USP21: variants seen among roughly 807,000 people sequenced by gnomAD.
USP21 encodes the protein ubiquitin carboxyl-terminal hydrolase 21.
Under a neutral mutation model 70.8 loss-of-function variants are expected in USP21, and 37 were observed. That is an observed-to-expected ratio of 0.52 (90% CI 0.40 to 0.69). USP21 has a LOEUF of 0.69. USP21 is among the 30% of genes least tolerant of loss of function. The pLI is 0.00. For missense variants in USP21, 584 were observed against 740.8 expected (o/e 0.79, Z 2.46); for synonymous variants, 263 against 283.1 (o/e 0.93, Z 0.71).
Position 161,164,837 on chromosome 1 carries a change from C to T in USP21, c.1387C>T (p.Leu463=). 6.2e-7 allele frequency: 1 copy of T among 1,613,452 alleles called. No homozygotes were observed. Among genetic ancestry groups the T allele is most frequent in the Non-Finnish European group, 8.5e-7 (1 of 1,179,752 alleles). The change falls in exon 12 of 14, where the codon CTG becomes TTG. Residue 463 remains leucine (L), a splice_region_variant and synonymous_variant. Coordinates refer to ENST00000368002, the MANE Select transcript of USP21 (RefSeq NM_001014443.3). The surrounding 1 kb of genome is among the most constrained non-coding windows in gnomAD (Gnocchi z 4.2). ...QRFPRILVLH[L]NRFSASRGSI... is the part of the protein sequence containing the mutation. ...AATGCTCCTTAACCAGGGCTTAGATCTGAATCGATTTTCTGCCTCCCGAGG... is the reference window on the plus strand; with the variant it reads ...AATGCTCCTTAACCAGGGCTTAGATTTGAATCGATTTTCTGCCTCCCGAGG...
rs1658371103 is a variant in USP21 at position 161,164,714 on chromosome 1, C to T, written c.1384+102C>T. The T allele has an allele frequency of 6.2e-7, 1 of 1,601,970 alleles. No individual in the cohort carries two copies. The highest frequency in any genetic ancestry group is 2.2e-5 in the East Asian group (1 of 44,652). The stretch of plus-strand genomic sequence containing the variant: ...TGAATTTTCCTTAGGAAAAGTCTGC[C>T]ACCCACTTTTCCACAAGATGCTCCC... On this transcript the variant is annotated intron_variant, in intron 11 of 13. Coordinates refer to ENST00000368002, the MANE Select transcript of USP21 (RefSeq NM_001014443.3). This position sits in a 1 kb window ranked among gnomAD's most constrained non-coding sequence, Gnocchi z 4.2.
At position 161,162,140 on chromosome 1, in the gene USP21, A is replaced by T; in HGVS notation, c.660+43A>T. Reference sequence around the variant, plus strand: ...ATCTTTCCTCTCTAAAAGGAATGTGAAATGGTGCTGGGGGTGGGGAAAACC... The same window carrying T: ...ATCTTTCCTCTCTAAAAGGAATGTGTAATGGTGCTGGGGGTGGGGAAAACC... On this transcript the variant is annotated intron_variant, in intron 4 of 13. Transcript: ENST00000368002. This position sits in a 1 kb window ranked among gnomAD's most constrained non-coding sequence, Gnocchi z 4.1. 12 of 1,613,530 alleles carry T rather than the reference A, an allele frequency of 7.4e-6. No homozygotes were observed. Among genetic ancestry groups the T allele is most frequent in the Non-Finnish European group, 1.0e-5 (12 of 1,179,526 alleles).
chr1:161,163,941 C>T lies in USP21; in HGVS notation c.1178C>T (p.Thr393Ile). The change falls in exon 9 of 14, where the codon ACC (threonine) becomes ATC (isoleucine). Residue 393 changes from threonine (T) to isoleucine (I), a missense_variant. Physicochemically the swap from Thr to Ile is moderately conservative, Grantham distance 89. Coordinates refer to ENST00000368002, the MANE Select transcript of USP21 (RefSeq NM_001014443.3). ...CAGGCCTGTGGGTATCGCTCCACGA[C>T]CTTCGAGGTTTTTTGTGACCTGTCC... The part of the protein sequence containing the change: ...KCQACGYRST[T>I]FEVFCDLSLP... 2 of 1,614,154 alleles carry T rather than the reference C, an allele frequency of 1.2e-6. No homozygotes were observed. Among genetic ancestry groups the T allele is most frequent in the Non-Finnish European group, 1.7e-6 (2 of 1,180,042 alleles).
Position 161,161,823 on chromosome 1 carries a change from A to G in USP21, c.601-215A>G. ...GGAGTAAGTGGGCAACAGGTGGGAC[A>G]GCCATGGCTGAGTCCGTGGTACATT... On this transcript the variant is annotated intron_variant, in intron 3 of 13. Coordinates refer to ENST00000368002, the MANE Select transcript of USP21 (RefSeq NM_001014443.3). This position sits in a 1 kb window ranked among gnomAD's most constrained non-coding sequence, Gnocchi z 4.2. 1 of 588,560 alleles carries G rather than the reference A, an allele frequency of 1.7e-6. No homozygotes were observed. Among genetic ancestry groups the G allele is most frequent in the Non-Finnish European group, 3.1e-6 (1 of 327,610 alleles). 36.5% of individuals were successfully genotyped at this position (588,560 alleles called of 1,614,324 possible).
rs1455737643 is a variant in USP21 at position 161,162,133 on chromosome 1, G to C, written c.660+36G>C. On this transcript the variant is annotated intron_variant, in intron 4 of 13. Transcript: ENST00000368002. This position sits in a 1 kb window ranked among gnomAD's most constrained non-coding sequence, Gnocchi z 4.1. ...TTCTCCTATCTTTCCTCTCTAAAAG[G>C]AATGTGAAATGGTGCTGGGGGTGGG... 1 of 1,613,794 alleles carries C rather than the reference G, an allele frequency of 6.2e-7. No individual in the cohort carries two copies. Among genetic ancestry groups the C allele is most frequent in the Admixed American group, 1.7e-5 (1 of 60,006 alleles).
In USP21 at chr1:161,164,999, T is replaced by G. The variant is rs202147922; in HGVS notation, c.1493-30T>G. ...AAAGGAGTGGGGGCACAGCTCTGATTATAGAACTTGATCATCTCCAACCCC... is the reference window on the plus strand; with the variant it reads ...AAAGGAGTGGGGGCACAGCTCTGATGATAGAACTTGATCATCTCCAACCCC... On this transcript the variant is annotated intron_variant, in intron 12 of 13. Transcript: ENST00000368002. The surrounding 1 kb of genome is among the most constrained non-coding windows in gnomAD (Gnocchi z 4.2). The G allele has an allele frequency of 6.2e-7, 1 of 1,613,362 alleles. No individual in the cohort carries two copies. The highest frequency in any genetic ancestry group is 8.5e-7 in the Non-Finnish European group (1 of 1,179,386).
chr1:161,160,428 C>G lies in USP21; in HGVS notation c.-100C>G, dbSNP rs772090699. 1.5e-6 allele frequency: 1 copy of G among 645,698 alleles called. No individual in the cohort carries two copies. 40.0% of individuals were successfully genotyped at this position (645,698 alleles called of 1,614,324 possible). A position where few individuals can be genotyped will look rare whatever the true frequency, so the allele number is the denominator to read the frequency against. ...TCCTGCCCTCAGTGCGTATACTGCTCCCCACTTTCGTTGATGTGGTAGTGG... is the reference window on the plus strand; with the variant it reads ...TCCTGCCCTCAGTGCGTATACTGCTGCCCACTTTCGTTGATGTGGTAGTGG... On this transcript the variant is annotated 5_prime_UTR_variant, in exon 2 of 14. Transcript: ENST00000368002.
rs1467027325 is a variant in USP21, at chr1:161,164,473, G to A, written c.1306-61G>A. 4 of 1,593,846 alleles carry A rather than the reference G, an allele frequency of 2.5e-6. No homozygotes were observed. The highest frequency in any genetic ancestry group is 4.5e-5 in the East Asian group (2 of 44,706). On this transcript the variant is annotated intron_variant, in intron 10 of 13. Coordinates refer to ENST00000368002, the MANE Select transcript of USP21 (RefSeq NM_001014443.3). This position sits in a 1 kb window ranked among gnomAD's most constrained non-coding sequence, Gnocchi z 4.2. ...ACTAAATTTGTATGTGGATCGGGGTGTCAGAAAAGCCAATTGAGGTTAGGA... is the reference window on the plus strand; with the variant it reads ...ACTAAATTTGTATGTGGATCGGGGTATCAGAAAAGCCAATTGAGGTTAGGA...
Position 161,162,461 on chromosome 1 carries a change from C to CCACCAG in USP21, c.781+71_781+72insCACCAG. On this transcript the variant is annotated intron_variant, in intron 5 of 13. Transcript: ENST00000368002. The surrounding 1 kb of genome is among the most constrained non-coding windows in gnomAD (Gnocchi z 4.1). ...CAACCACTTGCAGGTCCATCTGCCA[C>CCACCAG]TGGTGGTGGCCCCCAACCCTTAAAT... 1 of 1,563,138 alleles carries CCACCAG rather than the reference C, an allele frequency of 6.4e-7. No individual in the cohort carries two copies. The highest frequency in any genetic ancestry group is 8.7e-7 in the Non-Finnish European group (1 of 1,150,538).
Position 161,164,120 on chromosome 1 carries a change from AG to A in USP21, c.1219-42del. 6.2e-7 allele frequency: 1 copy of A among 1,606,472 alleles called. No homozygotes were observed. Among genetic ancestry groups the A allele is most frequent in the South Asian group, 1.1e-5 (1 of 90,888 alleles). On this transcript the variant is annotated intron_variant, in intron 9 of 13. Transcript: ENST00000368002. This position sits in a 1 kb window ranked among gnomAD's most constrained non-coding sequence, Gnocchi z 4.2. ...TGGATTGATTGAGAAGAGTTGGAAAAGGAAATTCAGAACATGTTGACCTTTC... is the reference window on the plus strand; with the variant it reads ...TGGATTGATTGAGAAGAGTTGGAAAAGAAATTCAGAACATGTTGACCTTTC...
Position 161,160,907 on chromosome 1 carries a change from C to A in USP21, c.267C>A (p.Pro89=). The change falls in exon 3 of 14, where the codon CCC becomes CCA. Residue 89 remains proline (P), a synonymous_variant. Transcript: ENST00000368002. ...RGPLRADHGV[P]LPGSPPPTVA... ...CCCTTCGAGCAGATCATGGGGTTCC[C>A]CTGCCTGGCTCACCACCCCCAACAG... 6.2e-7 allele frequency: 1 copy of A among 1,614,252 alleles called. No homozygotes were observed. The highest frequency in any genetic ancestry group is 8.5e-7 in the Non-Finnish European group (1 of 1,180,042).
rs971772621 is a variant in USP21, at chr1:161,162,016, C to T, written c.601-22C>T. On this transcript the variant is annotated intron_variant, in intron 3 of 13. Coordinates refer to ENST00000368002, the MANE Select transcript of USP21 (RefSeq NM_001014443.3). The surrounding 1 kb of genome is among the most constrained non-coding windows in gnomAD (Gnocchi z 4.1). ...CCAGGTAGGATATATAGGAACTTGC[C>T]GATTGTACTCTGACCTTCCAGGCTC... The T allele has an allele frequency of 1.3e-5, 21 of 1,613,882 alleles. No homozygotes were observed. The highest frequency in any genetic ancestry group is 1.6e-4 in the Middle Eastern group (1 of 6,062).
In USP21 at chr1:161,160,677, C is replaced by T. The variant is rs764589289; in HGVS notation, c.37C>T (p.Arg13Ter). ...CTCTGAGCACCGCCTGGGCCGTACC[C>T]GAGAGCCACCTGTTAATATCCAGCC... ...QASEHRLGRT[R>*]EPPVNIQPRV... Residue 13 changes from arginine to a stop codon, truncating the protein, a stop_gained, in exon 3 of 14, where the codon CGA becomes TGA. Transcript: ENST00000368002. LOFTEE classifies it high-confidence loss of function. 2 of 1,614,132 alleles carry T rather than the reference C, an allele frequency of 1.2e-6. No homozygotes were observed. Among genetic ancestry groups the T allele is most frequent in the Non-Finnish European group, 8.5e-7 (1 of 1,180,010 alleles).
Position 161,162,102 on chromosome 1 carries a change from G to C in USP21, c.660+5G>C, listed in dbSNP as rs531342902. On this transcript the variant is annotated splice_donor_5th_base_variant and intron_variant, in intron 4 of 13. Transcript: ENST00000368002. The surrounding 1 kb of genome is among the most constrained non-coding windows in gnomAD (Gnocchi z 4.1). ...CTTCGAAACCTGGGAAACACGGTGA[G>C]AGCTATTCTCCTATCTTTCCTCTCT... is the stretch of plus-strand genomic sequence containing the variant. 1 of 1,614,146 alleles carries C rather than the reference G, an allele frequency of 6.2e-7. No homozygotes were observed. The highest frequency in any genetic ancestry group is 1.3e-5 in the African/African-American group (1 of 75,042).
rs766120299 is a variant in USP21, at chr1:161,165,000, A to G, written c.1493-29A>G. ...AAGGAGTGGGGGCACAGCTCTGATT[A>G]TAGAACTTGATCATCTCCAACCCCG... On this transcript the variant is annotated intron_variant, in intron 12 of 13. Coordinates refer to ENST00000368002, the MANE Select transcript of USP21 (RefSeq NM_001014443.3). The surrounding 1 kb of genome is among the most constrained non-coding windows in gnomAD (Gnocchi z 4.2). 11 of 1,613,558 alleles carry G rather than the reference A, an allele frequency of 6.8e-6. No individual in the cohort carries two copies. Among genetic ancestry groups the G allele is most frequent in the Middle Eastern group, 1.7e-4 (1 of 6,056 alleles).
Position 161,161,964 on chromosome 1 carries a change from G to T in USP21, c.601-74G>T. The T allele has an allele frequency of 7.0e-7, 1 of 1,418,964 alleles. No individual in the cohort carries two copies. The highest frequency in any genetic ancestry group is 1.0e-6 in the Non-Finnish European group (1 of 1,002,064). The allele number at this position is 1,418,964 out of a possible 1,614,324, so 87.9% of individuals were successfully genotyped here. Reference sequence around the variant, plus strand: ...ATGCATGGGATGGGGGAGGCAGTGGGCAGCATGCTGTTGAAAGGTTAAAGT... The same window carrying T: ...ATGCATGGGATGGGGGAGGCAGTGGTCAGCATGCTGTTGAAAGGTTAAAGT... On this transcript the variant is annotated intron_variant, in intron 3 of 13. Coordinates refer to ENST00000368002, the MANE Select transcript of USP21 (RefSeq NM_001014443.3). The surrounding 1 kb of genome is among the most constrained non-coding windows in gnomAD (Gnocchi z 4.2).
chr1:161,160,202 G>A (rs1012079039), intron 1 of USP21, 164 bp from the exon 2 acceptor site: 1 of 172,716 alleles, frequency 5.8e-6, no homozygotes, highest in African/African-American at 2.4e-5. Context: ...CCCATGTTAC[G>A]TTAGAGCCGA....
Position 161,161,115 on chromosome 1 carries a change from C to A in USP21, c.475C>A (p.Arg159Ser). 6.2e-7 allele frequency: 1 copy of A among 1,614,230 alleles called. No individual in the cohort carries two copies. The highest frequency in any genetic ancestry group is 8.5e-7 in the Non-Finnish European group (1 of 1,180,026). The change falls in exon 3 of 14, where the codon CGC becomes AGC. Residue 159 changes from arginine (R) to serine (S), a missense_variant. Physicochemically the swap from Arg to Ser is moderately radical, Grantham distance 110. Around this residue, in one of 4 missense-constraint regions of USP21, gnomAD observed 284 missense variants for 281.0 expected, o/e 1.01. Coordinates refer to ENST00000368002, the MANE Select transcript of USP21 (RefSeq NM_001014443.3). This position sits in a 1 kb window ranked among gnomAD's most constrained non-coding sequence, Gnocchi z 4.2. ...PTLRRSTSLR[R>S]LGGFPGPPTL... ...TTTGAGACGTAGCACTTCTCTCCGC[C>A]GCCTAGGGGGCTTTCCTGGACCCCC...
rs1220006228 is a variant in USP21 at position 161,164,023 on chromosome 1, C to T, written c.1218+42C>T. Reference sequence around the variant, plus strand: ...TTCCGGGGTGGACAGGACAGGGGCTCTGTGACCCAAGCCTACCCACCCCCA... The same window carrying T: ...TTCCGGGGTGGACAGGACAGGGGCTTTGTGACCCAAGCCTACCCACCCCCA... On this transcript the variant is annotated intron_variant, in intron 9 of 13. Coordinates refer to ENST00000368002, the MANE Select transcript of USP21 (RefSeq NM_001014443.3). This position sits in a 1 kb window ranked among gnomAD's most constrained non-coding sequence, Gnocchi z 4.2. 5.6e-6 allele frequency: 9 copies of T among 1,604,958 alleles called. No homozygotes were observed. The highest frequency in any genetic ancestry group is 7.7e-6 in the Non-Finnish European group (9 of 1,171,878).
Sources: allele counts gnomAD v4.1 joint callset, GRCh38; gene constraint gnomAD v4.1.1; regional missense constraint gnomAD v4.1.1; non-coding constraint Gnocchi (gnomAD v3.1); transcripts MANE v1.5; gene names NCBI Gene and HGNC (gene_info 2026-07-23, HGNC 2026-07-21).